Variants in RELN observed in about 807,000 individuals in gnomAD.
The protein encoded by RELN is reelin.
Under a neutral mutation model 427.6 loss-of-function variants are expected in RELN, and 108 were observed. That is an observed-to-expected ratio of 0.25 (90% CI 0.22 to 0.30). The LOEUF is 0.30. Among genes scored for constraint, RELN ranks in the 10% least tolerant of loss-of-function variants. RELN has a pLI of 1.00. For synonymous variants in RELN, 1,524 were observed against 1,513.4 expected, an observed-to-expected ratio of 1.01 and a Z score of -0.16; for missense variants, 3,715 against 4,302.8, an observed-to-expected ratio of 0.86 and a Z score of 3.82.
At chr7:103,697,746 G>A (rs1429580129) in intron 10 of RELN, 107 bp downstream of exon 10, 1 of 1,492,698 alleles carries the variant, frequency 6.7e-7, no homozygotes, top group East Asian at 2.4e-5. Flanking sequence ...TCCTTTAATA[G>A]TGGTTTTGGT....
At chr7:103,681,997 A>T in intron 11 of RELN, 119 bp downstream of exon 11, 1 of 993,682 alleles carries the variant, frequency 1.0e-6, no homozygotes. Context: ...TGTCTACGAT[A>T]AGAATCATCA....
At chr7:103,525,307 T>C (rs747268511) in intron 46 of RELN, among the ~76,000 whole-genome samples, 1 of 152,244 alleles carries the variant, frequency 6.6e-6, no homozygotes, top group East Asian at 1.9e-4. Flanking sequence ...GTCACAGTTA[T>C]AGTTATACAT....
intron 4 of RELN, among the ~76,000 whole-genome samples, chr7:103,753,644 G>A (rs991955330): frequency 6.6e-6 from 1 of 152,162 alleles, no homozygotes; most frequent in Admixed American, 6.5e-5. Context: ...AGCTGGAAAA[G>A]TAGGAAAATT....
intron 12 of RELN, among the ~76,000 whole-genome samples, chr7:103,659,855 C>A (rs1449741444): frequency 1.3e-5 from 2 of 152,100 alleles, no homozygotes; most frequent in Non-Finnish European, 2.9e-5. Context: ...ATTATTCTCC[C>A]CATTTGTATT....
At chr7:103,681,707 T>C (rs769304846) in intron 11 of RELN, among the ~76,000 whole-genome samples, 1 of 152,144 alleles carries the variant, frequency 6.6e-6, no homozygotes, top group Admixed American at 6.6e-5. Flanking sequence ...AGAATTTTTA[T>C]AGATCAAAGC....
At chr7:103,746,036 C>A (rs984076028) in intron 6 of RELN, among the ~76,000 whole-genome samples, 7 of 152,122 alleles carry the variant, frequency 4.6e-5, no homozygotes, top group Admixed American at 1.3e-4. Flanking sequence ...GCTACAGTAA[C>A]CAAAACAGCA....
intron 2 of RELN, among the ~76,000 whole-genome samples, chr7:103,857,312 G>C (rs1793969650): frequency 6.6e-6 from 1 of 152,164 alleles, no homozygotes; most frequent in Admixed American, 6.5e-5. Flanking sequence ...GAAATGAGGA[G>C]AGCACCATAG....
intron 2 of RELN, among the ~76,000 whole-genome samples, chr7:103,869,371 T>C (rs569394199): frequency 6.6e-6 from 1 of 152,226 alleles, no homozygotes; most frequent in South Asian, 2.1e-4. Flanking sequence ...TTACTTCATA[T>C]AGATCTAGAA....
chr7:103,754,455 C>G (rs1257372717), intron 4 of RELN, among the ~76,000 whole-genome samples: 1 of 151,614 alleles, frequency 6.6e-6, no homozygotes, highest in Admixed American at 6.6e-5. Context: ...AAAAGGAAGA[C>G]CGAGTCACTC....
rs75152951 is a variant in RELN at position 103,652,264 on chromosome 7, T to C, written c.1763+287A>G. 0.053 allele frequency among the ~76,000 whole-genome samples: 8,007 copies of C among 151,488 alleles called. 544 individuals are homozygous for C. Among genetic ancestry groups the C allele is most frequent in the African/African-American group, 0.16 (6,573 of 41,196 alleles). ...TTTTTTCAGTTGCTTTTTTTTTTTTTTCTCTCTTAGCAATCTGTTGTAATG... is the reference window on the plus strand; with the variant it reads ...TTTTTTCAGTTGCTTTTTTTTTTTTCTCTCTCTTAGCAATCTGTTGTAATG... On this transcript the variant is annotated intron_variant, in intron 14 of 64. Coordinates refer to ENST00000428762, the MANE Select transcript of RELN (RefSeq NM_005045.4).
chr7:103,894,846 C>T (rs1201220483), intron 2 of RELN, among the ~76,000 whole-genome samples: 9 of 152,094 alleles, frequency 5.9e-5, no homozygotes, highest in Admixed American at 2.6e-4. Context: ...GTGTTTAATA[C>T]GGAAAGCCAA....
intron 57 of RELN, among the ~76,000 whole-genome samples, chr7:103,492,804 C>T (rs564986696): frequency 2.0e-5 from 3 of 152,118 alleles, no homozygotes; most frequent in East Asian, 1.9e-4. Flanking sequence ...AGGGTACATG[C>T]GAGCTGCCCC....
chr7:103,710,429 G>A (rs1321558583), intron 8 of RELN, among the ~76,000 whole-genome samples: 2 of 152,106 alleles, frequency 1.3e-5, no homozygotes. Context: ...ACAGCTTCCA[G>A]GAACTCCTAC....
intron 27 of RELN, among the ~76,000 whole-genome samples, chr7:103,590,525 A>T (rs1831385918): frequency 6.6e-6 from 1 of 151,832 alleles, no homozygotes; most frequent in South Asian, 2.1e-4. Context: ...ACGCCATTGC[A>T]CTCCAGCCTG....
chr7:103,739,594 G>C (rs1301840261), intron 6 of RELN, among the ~76,000 whole-genome samples: 1 of 152,216 alleles, frequency 6.6e-6, no homozygotes, highest in African/African-American at 2.4e-5. Flanking sequence ...TTGTGGTCCA[G>C]GGTAAAGTGC....
At chr7:103,721,399 T>C (rs1185209436) in intron 8 of RELN, among the ~76,000 whole-genome samples, 1 of 152,148 alleles carries the variant, frequency 6.6e-6, no homozygotes, top group Non-Finnish European at 1.5e-5. Context: ...CTAAGTCCCA[T>C]GTTTATGTCT....
rs2117362597 is a variant in RELN, at chr7:103,640,753, A to C, written c.2003-144T>G. 1.3e-6 allele frequency: 1 copy of C among 776,476 alleles called. No homozygotes were observed. Among genetic ancestry groups the C allele is most frequent in the East Asian group, 2.7e-5 (1 of 37,218 alleles). 48.1% of individuals were successfully genotyped at this position (776,476 alleles called of 1,614,324 possible). ...GGTGACATATGGAATGCTGTGTAAT[A>C]AGGTAAGTGCTTAGTTACAAAGCTG... On this transcript the variant is annotated intron_variant, in intron 16 of 64. Coordinates refer to ENST00000428762, the MANE Select transcript of RELN (RefSeq NM_005045.4). This position sits in a 1 kb window ranked among gnomAD's most constrained non-coding sequence, Gnocchi z 4.1.
intron 45 of RELN, among the ~76,000 whole-genome samples, chr7:103,535,814 T>C (rs1830036875): frequency 6.6e-6 from 1 of 152,164 alleles, no homozygotes; most frequent in Non-Finnish European, 1.5e-5. Context: ...TACAGTTACA[T>C]TATTTGAGTA....
In RELN at chr7:103,795,026, G is replaced by A. The variant is rs148484840; in HGVS notation, c.474-18399C>T. Among the ~76,000 whole-genome samples, 313 of 152,264 alleles carry A rather than the reference G, an allele frequency of 2.1e-3. 1 individual carries two copies. Among genetic ancestry groups the A allele is most frequent in the East Asian group, 9.6e-3 (50 of 5,190 alleles). ...TTTCAAATTTGGCTCATGTCTAGGAGTTTAATTTTCTATAATATCCCCTAA... is the reference window on the plus strand; with the variant it reads ...TTTCAAATTTGGCTCATGTCTAGGAATTTAATTTTCTATAATATCCCCTAA... On this transcript the variant is annotated intron_variant, in intron 3 of 64. Coordinates refer to ENST00000428762, the MANE Select transcript of RELN (RefSeq NM_005045.4).
Sources: allele counts gnomAD v4.1 joint callset (sites outside exome capture counted in the v4.1 genomes callset), GRCh38; gene constraint gnomAD v4.1.1; non-coding constraint Gnocchi (gnomAD v3.1); transcripts MANE v1.5; gene names NCBI Gene and HGNC (gene_info 2026-07-23, HGNC 2026-07-21).